Variants in ZNF746 observed in about 807,000 individuals in gnomAD.
ZNF746 encodes zinc finger protein 746.
ZNF746 carries 13 observed loss-of-function variants against 41.0 expected under a neutral mutation model. The ratio of observed to expected loss-of-function variants is 0.32; its 90% CI spans 0.21 to 0.50. ZNF746 has a LOEUF of 0.50. Among genes scored for constraint, ZNF746 ranks in the 20% least tolerant of loss-of-function variants. ZNF746 has a pLI of 0.98. For missense variants in ZNF746, 811 were observed against 922.9 expected, an observed-to-expected ratio of 0.88 and a Z score of 1.57; for synonymous variants, 424 against 396.2, an observed-to-expected ratio of 1.07 and a Z score of -0.83.
At chr7:149,479,691 T>C (rs1800429982) in intron 4 of ZNF746, among the ~76,000 whole-genome samples, 1 of 152,222 alleles carries the variant, frequency 6.6e-6, no homozygotes, top group South Asian at 2.1e-4. Flanking sequence ...GACATATGGC[T>C]GGCTAGATGT....
In ZNF746 at chr7:149,477,689, A is replaced by C; in HGVS notation, c.632T>G (p.Leu211Arg). The change falls in exon 5 of 7, where the codon CTC becomes CGC. Residue 211 changes from leucine (L) to arginine (R), a missense_variant. Leu to Arg is a moderately radical substitution (Grantham distance 102). Transcript: ENST00000458143. ...CACGCCCAGGGCCTGCTGCTCCTGG[A>C]GCTGGAGCTCACCCTCCTGCTTGAT... The part of the protein sequence containing the change: ...MQIKQEGELQ[L>R]QEQQALGVEA... 6.2e-7 allele frequency: 1 copy of C among 1,613,876 alleles called. No homozygotes were observed. The highest frequency in any genetic ancestry group is 8.5e-7 in the Non-Finnish European group (1 of 1,179,904).
rs930304594 is a variant in ZNF746 at position 149,477,761 on chromosome 7, A to G, written c.566-6T>C. On this transcript the variant is annotated splice_polypyrimidine_tract_variant and splice_region_variant and intron_variant, in intron 4 of 6. Transcript: ENST00000458143. ...GGGAACTGGGGGCCCCGAGCCTAGG[A>G]AAGGGAGTGAGTGTGAGGATACAGC... 1 of 1,599,198 alleles carries G rather than the reference A, an allele frequency of 6.3e-7. No individual in the cohort carries two copies. The highest frequency in any genetic ancestry group is 1.1e-5 in the South Asian group (1 of 90,008).
intron 4 of ZNF746, among the ~76,000 whole-genome samples, chr7:149,486,217 G>A (rs1473304068): frequency 6.6e-6 from 1 of 152,080 alleles, no homozygotes; most frequent in Admixed American, 6.5e-5. Flanking sequence ...AATAAAAACA[G>A]CATTTCCCAG....
At position 149,497,303 on chromosome 7, in the gene ZNF746, G is replaced by A; in HGVS notation, c.24+210C>T. 2 of 985,104 alleles carry A rather than the reference G, an allele frequency of 2.0e-6. No individual in the cohort carries two copies. Among genetic ancestry groups the A allele is most frequent in the Non-Finnish European group, 2.4e-6 (2 of 829,758 alleles). The allele number at this position is 985,104 out of a possible 1,614,324, so 61.0% of individuals were successfully genotyped here. A position where few individuals can be genotyped will look rare whatever the true frequency, so the allele number is the denominator to read the frequency against. On this transcript the variant is annotated intron_variant, in intron 1 of 6. Coordinates refer to ENST00000458143, the MANE Select transcript of ZNF746 (RefSeq NM_001394198.1). The surrounding 1 kb of genome is among the most constrained non-coding windows in gnomAD (Gnocchi z 4.2). ...GGCCCGGGGCGGGGACAACCGTTCCGCCAGCGCTCGGGTTCGGCTCGGAGT... is the reference window on the plus strand; with the variant it reads ...GGCCCGGGGCGGGGACAACCGTTCCACCAGCGCTCGGGTTCGGCTCGGAGT...
intron 6 of ZNF746, 104 bp from the exon 7 acceptor site, chr7:149,475,587 C>T: frequency 6.6e-7 from 1 of 1,505,802 alleles, no homozygotes; most frequent in South Asian, 1.3e-5. Context: ...AGACAAACTC[C>T]ACCCAGGCCC....
rs1014381096 is a variant in ZNF746 at position 149,474,236 on chromosome 7, T to C, written c.*148A>G. Reference sequence around the variant, plus strand: ...GGTGGCAGCTGTCCTGGTGGATAGTTTCTCTTTCTCCAGTGATCATCAGTT... The same window carrying C: ...GGTGGCAGCTGTCCTGGTGGATAGTCTCTCTTTCTCCAGTGATCATCAGTT... On this transcript the variant is annotated 3_prime_UTR_variant, in exon 7 of 7. Transcript: ENST00000458143. This position sits in a 1 kb window ranked among gnomAD's most constrained non-coding sequence, Gnocchi z 6.3. 1.2e-5 allele frequency: 11 copies of C among 894,564 alleles called. No homozygotes were observed. The highest frequency in any genetic ancestry group is 1.5e-5 in the Non-Finnish European group (9 of 600,302). The allele number at this position is 894,564 out of a possible 1,614,324, so 55.4% of individuals were successfully genotyped here.
intron 4 of ZNF746, among the ~76,000 whole-genome samples, chr7:149,483,611 A>AC (rs1800542984): frequency 6.6e-6 from 1 of 152,054 alleles, no homozygotes; most frequent in Admixed American, 6.5e-5. Context: ...GTGTAAAAAA[A>AC]TAAAAAAAAA....
intron 4 of ZNF746, among the ~76,000 whole-genome samples, chr7:149,486,243 G>A (rs75720610): frequency 0.018 from 2,708 of 152,170 alleles, 83 homozygotes; most frequent in African/African-American, 0.062. Context: ...TGAGGATGAG[G>A]TGTGATTGGA....
In ZNF746 at chr7:149,497,545, G is replaced by C; in HGVS notation, c.-9C>G. 1 of 1,079,354 alleles carries C rather than the reference G, an allele frequency of 9.3e-7. No homozygotes were observed. Among genetic ancestry groups the C allele is most frequent in the Middle Eastern group, 4.1e-4 (1 of 2,410 alleles). 66.9% of individuals were successfully genotyped at this position (1,079,354 alleles called of 1,614,324 possible). A position where few individuals can be genotyped will look rare whatever the true frequency, so the allele number is the denominator to read the frequency against. The stretch of plus-strand genomic sequence containing the variant: ...GCGACCGCCTCGGCCATGGCCCTGC[G>C]CTGTCCCGCCCGGCCCGGAGGAAGT... On this transcript the variant is annotated 5_prime_UTR_variant, in exon 1 of 7. Transcript: ENST00000458143. The surrounding 1 kb of genome is among the most constrained non-coding windows in gnomAD (Gnocchi z 4.2).
rs76857100 is a variant in ZNF746, at chr7:149,482,970, T to C, written c.566-5215A>G. Among the ~76,000 whole-genome samples, 313 of 152,190 alleles carry C rather than the reference T, an allele frequency of 2.1e-3. 3 individuals are homozygous for C. Among genetic ancestry groups the C allele is most frequent in the African/African-American group, 7.2e-3 (299 of 41,516 alleles). On this transcript the variant is annotated intron_variant, in intron 4 of 6. Transcript: ENST00000458143. ...CCTGATTAAAGGGACCTAAGCAGAT[T>C]CCAAACACAGAGAAAACACAAGCTT... is the stretch of plus-strand genomic sequence containing the variant.
Position 149,494,766 on chromosome 7 carries a change from T to G in ZNF746, c.25-263A>C, listed in dbSNP as rs974116622. 2.0e-5 allele frequency among the ~76,000 whole-genome samples: 3 copies of G among 151,806 alleles called. No homozygotes were observed. The highest frequency in any genetic ancestry group is 7.3e-5 in the African/African-American group (3 of 41,350). ...GGTGCTTATCACCCTACACAATAAT[T>G]TCCTACCCACACCTACACTGTGGGC... is the stretch of plus-strand genomic sequence containing the variant. On this transcript the variant is annotated intron_variant, in intron 1 of 6. Transcript: ENST00000458143. This position sits in a 1 kb window ranked among gnomAD's most constrained non-coding sequence, Gnocchi z 5.6.
rs1585715238 is a variant in ZNF746, at chr7:149,473,889, G to C, written c.*495C>G. The C allele has an allele frequency of 4.6e-5, 8 of 172,424 alleles. 1 individual carries two copies. In the South Asian group the frequency reaches 9.4e-4, roughly 20 times the overall value. 10.7% of individuals were successfully genotyped at this position (172,424 alleles called of 1,614,324 possible). On this transcript the variant is annotated 3_prime_UTR_variant, in exon 7 of 7. Transcript: ENST00000458143. ...GGGACCCAATGGCCCTCACTGCCCAGGGGCTTGGTGCGCTAGGCCCACTCA... is the reference window on the plus strand; with the variant it reads ...GGGACCCAATGGCCCTCACTGCCCACGGGCTTGGTGCGCTAGGCCCACTCA...
At position 149,477,666 on chromosome 7, in the gene ZNF746, C is replaced by A. The variant is rs776180012; in HGVS notation, c.655G>T (p.Val219Leu). 1.3e-5 allele frequency: 21 copies of A among 1,613,906 alleles called. No homozygotes were observed. The highest frequency in any genetic ancestry group is 2.2e-5 in the East Asian group (1 of 44,888). The change falls in exon 5 of 7, where the codon GTG becomes TTG. Residue 219 changes from valine to leucine, a missense_variant. By Grantham distance (32) the Val-to-Leu change is conservative (BLOSUM62 1). This residue lies in a region of ZNF746 where 495 missense variants were observed against 481.6 expected (regional missense o/e 1.03). Transcript: ENST00000458143. ...LQLQEQQALG[V>L]EAWAAGQPDI... ...GGCTGCCCGGCTGCCCACGCCTCCA[C>A]GCCCAGGGCCTGCTGCTCCTGGAGC...
chr7:149,484,108 C>G (rs1475160437), intron 4 of ZNF746, among the ~76,000 whole-genome samples: 3 of 152,104 alleles, frequency 2.0e-5, no homozygotes, highest in Admixed American at 2.0e-4. Flanking sequence ...TCAGGTGGCC[C>G]CACTGGTGTT....
chr7:149,480,343 T>A (rs988425004), intron 4 of ZNF746, among the ~76,000 whole-genome samples: 2 of 152,190 alleles, frequency 1.3e-5, no homozygotes, highest in Admixed American at 6.5e-5. Flanking sequence ...TATGGAGAAA[T>A]AAGACTATCA....
At chr7:149,496,137 G>A (rs925603100) in intron 1 of ZNF746, among the ~76,000 whole-genome samples, 4 of 152,116 alleles carry the variant, frequency 2.6e-5, no homozygotes, top group African/African-American at 9.7e-5. Flanking sequence ...CATCCTCCAC[G>A]TGCATTATTA....
intron 1 of ZNF746, among the ~76,000 whole-genome samples, chr7:149,495,792 T>G (rs549273677): frequency 1.3e-5 from 2 of 152,276 alleles, no homozygotes; most frequent in East Asian, 3.9e-4. Context: ...GGACAGTGCT[T>G]AAGATACTAT....
chr7:149,477,907 G>A, intron 4 of ZNF746, 152 bp from the exon 5 acceptor site: 1 of 605,648 alleles, frequency 1.7e-6, no homozygotes, highest in Non-Finnish European at 2.8e-6. Context: ...AAACAGGATG[G>A]GAGCCTAGGG....
At chr7:149,496,933 G>A (rs1801018044) in intron 1 of ZNF746, 1 of 985,192 alleles carries the variant, frequency 1.0e-6, no homozygotes, top group African/African-American at 1.7e-5. Context: ...TCTAGGCCCC[G>A]GGTTTTTCTT....
Sources: allele counts gnomAD v4.1 joint callset (sites outside exome capture counted in the v4.1 genomes callset), GRCh38; gene constraint gnomAD v4.1.1; regional missense constraint gnomAD v4.1.1; non-coding constraint Gnocchi (gnomAD v3.1); transcripts MANE v1.5; gene names NCBI Gene and HGNC (gene_info 2026-07-23, HGNC 2026-07-21).